Variants in E2F4 observed in about 807,000 individuals in gnomAD.
The protein encoded by E2F4 is transcription factor E2F4.
Under a neutral mutation model 44.5 loss-of-function variants are expected in E2F4, and 16 were observed. That is an observed-to-expected ratio of 0.36 (90% CI 0.24 to 0.55). E2F4 has a LOEUF of 0.55. Among genes scored for constraint, E2F4 ranks in the 20% least tolerant of loss-of-function variants. The pLI, the probability that E2F4 is intolerant of heterozygous loss-of-function variation, is 0.87. For missense variants in E2F4, 473 were observed against 522.1 expected, an observed-to-expected ratio of 0.91 and a Z score of 0.92; for synonymous variants, 242 against 207.2, an observed-to-expected ratio of 1.17 and a Z score of -1.44.
At chr16:67,192,518 G>A in intron 1 of E2F4, 156 bp downstream of exon 1, 1 of 1,172,042 alleles carries the variant, frequency 8.5e-7, no homozygotes, top group Non-Finnish European at 1.1e-6. Context: ...TCATTCATTC[G>A]GCCGAGGCCA....
chr16:67,192,790 G>A lies in E2F4; in HGVS notation c.165G>A (p.Lys55=). The change falls in exon 2 of 10, where the codon AAG becomes AAA. Residue 55 remains lysine (K), a synonymous_variant. Transcript: ENST00000379378. ...CTGACACCCTAGCTGTACGCCAGAA[G>A]CGGCGGATTTACGACATTACCAATG... The part of the protein sequence containing the change: ...LAADTLAVRQ[K]RRIYDITNVL... 6.2e-7 allele frequency: 1 copy of A among 1,612,586 alleles called. No individual in the cohort carries two copies.
At position 67,194,394 on chromosome 16, in the gene E2F4, C is replaced by A. The variant is rs2032933944; in HGVS notation, c.452-4C>A. The A allele has an allele frequency of 1.2e-6, 2 of 1,613,942 alleles. No individual in the cohort carries two copies. Among genetic ancestry groups the A allele is most frequent in the Admixed American group, 1.7e-5 (1 of 59,998 alleles). On this transcript the variant is annotated splice_polypyrimidine_tract_variant and splice_region_variant and intron_variant, in intron 4 of 9. Transcript: ENST00000379378. ...GCTCTGACCCATTCTCCATGTCATTCTAGGAGATACCCTCTTGGCCATCCG... is the reference window on the plus strand; with the variant it reads ...GCTCTGACCCATTCTCCATGTCATTATAGGAGATACCCTCTTGGCCATCCG...
chr16:67,193,042 T>G lies in E2F4; in HGVS notation c.279T>G (p.Ile93Met). The G allele has an allele frequency of 6.4e-7, 1 of 1,572,082 alleles. No homozygotes were observed. The highest frequency in any genetic ancestry group is 8.6e-7 in the Non-Finnish European group (1 of 1,157,878). ...GVGPGCNTRE[I>M]ADKLIELKAE... ...GGCCTGGCTGCAATACCCGGGAGAT[T>G]GCTGACAAACTGATTGAGCTCAAGG... Residue 93 changes from isoleucine (I) to methionine (M), a missense_variant, in exon 3 of 10, where the codon ATT becomes ATG. By Grantham distance (10) the Ile-to-Met change is conservative. This residue lies in a region of E2F4 where 119 missense variants were observed against 175.6 expected (regional missense o/e 0.68). Transcript: ENST00000379378.
intron 1 of E2F4, 124 bp from the exon 2 acceptor site, chr16:67,192,636 CT>C: frequency 9.9e-7 from 1 of 1,010,842 alleles, no homozygotes; most frequent in Non-Finnish European, 1.5e-6. Flanking sequence ...CGGTCCTGAG[CT>C]GCAGTAGCGC....
At chr16:67,194,103 T>C in intron 4 of E2F4, 1 of 405,054 alleles carries the variant, frequency 2.5e-6, no homozygotes, top group Non-Finnish European at 4.5e-6. Flanking sequence ...GAAAGGGATG[T>C]TGGCCTTGGC....
intron 1 of E2F4, 61 bp from the exon 2 acceptor site, chr16:67,192,700 C>T (rs1167410184): frequency 2.0e-6 from 3 of 1,482,528 alleles, no homozygotes; most frequent in East Asian, 2.4e-5. Context: ...CAGACCACGT[C>T]TCAGGGTGGC....
chr16:67,192,791 C>T lies in E2F4; in HGVS notation c.166C>T (p.Arg56Trp). The T allele has an allele frequency of 6.2e-7, 1 of 1,612,486 alleles. No individual in the cohort carries two copies. The change falls in exon 2 of 10, where the codon CGG (arginine) becomes TGG (tryptophan). Residue 56 changes from arginine (R) to tryptophan (W), a missense_variant. Coordinates refer to ENST00000379378, the MANE Select transcript of E2F4 (RefSeq NM_001950.4). Reference sequence around the variant, plus strand: ...TGACACCCTAGCTGTACGCCAGAAGCGGCGGATTTACGACATTACCAATGT... The same window carrying T: ...TGACACCCTAGCTGTACGCCAGAAGTGGCGGATTTACGACATTACCAATGT... ...AADTLAVRQK[R>W]RIYDITNVLE...
In E2F4 at chr16:67,198,043, G is replaced by C; in HGVS notation, c.1162G>C (p.Gly388Arg). The C allele has an allele frequency of 6.2e-7, 1 of 1,614,076 alleles. No homozygotes were observed. The highest frequency in any genetic ancestry group is 1.7e-5 in the Admixed American group (1 of 60,022). The change falls in exon 10 of 10, where the codon GGA (glycine) becomes CGA (arginine). Residue 388 changes from glycine to arginine, a missense_variant. Gly to Arg is a moderately radical substitution (Grantham distance 125, BLOSUM62 -2). This residue lies in a region of E2F4 where 314 missense variants were observed against 315.6 expected (regional missense o/e 0.99). Coordinates refer to ENST00000379378, the MANE Select transcript of E2F4 (RefSeq NM_001950.4). ...APLLRLSPPP[G>R]DHDYIYNLDE... is the part of the protein sequence containing the mutation. ...TCTGCTTCGTCTTTCTCCACCCCCG[G>C]GAGACCACGATTATATCTACAACCT...
At chr16:67,194,088 C>A (rs191645835) in intron 4 of E2F4, 3 of 375,622 alleles carry the variant, frequency 8.0e-6, no homozygotes, top group Non-Finnish European at 1.5e-5. Flanking sequence ...CCTGACTGGT[C>A]ATGGGAAAGG....
Position 67,198,042 on chromosome 16 carries a change from G to T in E2F4, c.1161G>T (p.Pro387=). The change falls in exon 10 of 10, where the codon CCG becomes CCT. Residue 387 remains proline, a synonymous_variant. Transcript: ENST00000379378. ...CTCTGCTTCGTCTTTCTCCACCCCC[G>T]GGAGACCACGATTATATCTACAACC... ...FAPLLRLSPP[P]GDHDYIYNLD... is the part of the protein sequence containing the mutation. 1 of 1,614,066 alleles carries T rather than the reference G, an allele frequency of 6.2e-7. No homozygotes were observed. Among genetic ancestry groups the T allele is most frequent in the Non-Finnish European group, 8.5e-7 (1 of 1,179,996 alleles).
chr16:67,197,515 G>A, intron 7 of E2F4, 84 bp from the exon 8 acceptor site: 5 of 1,385,832 alleles, frequency 3.6e-6, no homozygotes, highest in South Asian at 3.5e-5. Flanking sequence ...CAGGGTGGGT[G>A]GTATAGGATC....
At position 67,192,217 on chromosome 16, in the gene E2F4, G is replaced by T. The variant is rs2032896910; in HGVS notation, c.-11G>T. ...CCTGGCCTGGCTGAGGGGAGGCGGC[G>T]GGCGGGCGCGATGGCGGAGGCCGGG... On this transcript the variant is annotated 5_prime_UTR_variant, in exon 1 of 10. Transcript: ENST00000379378. The T allele has an allele frequency of 5.6e-6, 7 of 1,248,876 alleles. No individual in the cohort carries two copies. Among genetic ancestry groups the T allele is most frequent in the Non-Finnish European group, 6.0e-6 (6 of 996,394 alleles). 77.4% of individuals were successfully genotyped at this position (1,248,876 alleles called of 1,614,324 possible).
chr16:67,192,658 C>T (rs1190413846), intron 1 of E2F4, 103 bp from the exon 2 acceptor site: 8 of 1,172,232 alleles, frequency 6.8e-6, no homozygotes, highest in Non-Finnish European at 9.8e-6. Flanking sequence ...CTGGGAGGCA[C>T]TACAGGGTTG....
rs761350193 is a variant in E2F4 at position 67,198,175 on chromosome 16, G to A, written c.*52G>A. 3 of 1,551,550 alleles carry A rather than the reference G, an allele frequency of 1.9e-6. No homozygotes were observed. Among genetic ancestry groups the A allele is most frequent in the South Asian group, 1.1e-5 (1 of 89,790 alleles). ...GGGACCCAGACTGTCTGACCTGGGGGTTGCCTGGGGACCTCTCCCACCCGA... is the reference window on the plus strand; with the variant it reads ...GGGACCCAGACTGTCTGACCTGGGGATTGCCTGGGGACCTCTCCCACCCGA... On this transcript the variant is annotated 3_prime_UTR_variant, in exon 10 of 10. Coordinates refer to ENST00000379378, the MANE Select transcript of E2F4 (RefSeq NM_001950.4).
Position 67,198,114 on chromosome 16 carries a change from C to T in E2F4, c.1233C>T (p.Leu411=), listed in dbSNP as rs541969393. 13 of 1,613,438 alleles carry T rather than the reference C, an allele frequency of 8.1e-6. No individual in the cohort carries two copies. In the East Asian group the frequency reaches 8.9e-5, roughly 11 times the overall value. The change falls in exon 10 of 10, where the codon CTC becomes CTT. Residue 411 remains leucine, a synonymous_variant. Coordinates refer to ENST00000379378, the MANE Select transcript of E2F4 (RefSeq NM_001950.4). ...GVCDLFDVPV[L]NL ...GTGACCTCTTTGATGTGCCTGTTCT[C>T]AACCTCTGACTGACAGGGACATGCC... is the stretch of plus-strand genomic sequence containing the variant.
In E2F4 at chr16:67,198,351, T is replaced by C; in HGVS notation, c.*228T>C. On this transcript the variant is annotated 3_prime_UTR_variant, in exon 10 of 10. Coordinates refer to ENST00000379378, the MANE Select transcript of E2F4 (RefSeq NM_001950.4). ...AGCCCCCATCACCGTGGAGCCAAAG[T>C]GTTTGCTTCTCCCTTTCTGCGGCCT... The C allele has an allele frequency of 1.8e-6, 1 of 546,314 alleles. No homozygotes were observed. Among genetic ancestry groups the C allele is most frequent in the Non-Finnish European group, 3.3e-6 (1 of 303,594 alleles). 33.8% of individuals were successfully genotyped at this position (546,314 alleles called of 1,614,324 possible).
rs377657577 is a variant in E2F4, at chr16:67,194,483, G to C, written c.513+24G>C. ...AGGTGGGTGCTTAGCCCAGGCAGGC[G>C]GGGTCAGCTGAGGGCGGGTGCTGGC... On this transcript the variant is annotated intron_variant, in intron 5 of 9. Transcript: ENST00000379378. 13 of 1,612,916 alleles carry C rather than the reference G, an allele frequency of 8.1e-6. No homozygotes were observed. The African/African-American group carries it at 1.6e-4, about 20-fold the overall frequency.
In E2F4 at chr16:67,193,113, A is replaced by G; in HGVS notation, c.350A>G (p.His117Arg). Residue 117 changes from histidine (H) to arginine (R), a missense_variant, in exon 3 of 10, where the codon CAC (histidine) becomes CGC (arginine). Transcript: ENST00000379378. Reference sequence around the variant, plus strand: ...CAGCGGGAGCAAGAACTAGACCAGCACAAGGTGTGGGTGCAGCAGAGCATC... The same window carrying G: ...CAGCGGGAGCAAGAACTAGACCAGCGCAAGGTGTGGGTGCAGCAGAGCATC... ...LQQREQELDQ[H>R]KVWVQQSIRN... 1 of 1,574,522 alleles carries G rather than the reference A, an allele frequency of 6.4e-7. No homozygotes were observed. Among genetic ancestry groups the G allele is most frequent in the Non-Finnish European group, 8.6e-7 (1 of 1,159,716 alleles).
At chr16:67,196,153 T>TAGA in intron 7 of E2F4, 147 bp downstream of exon 7, 4 of 1,228,006 alleles carry the variant, frequency 3.3e-6, no homozygotes, top group Non-Finnish European at 4.6e-6. Context: ...GGGTCAGTGC[T>TAGA]GGTGCCCCCT....
Sources: gnomAD v4.1 joint callset for allele counts on GRCh38, gnomAD v4.1.1 for gene constraint, gnomAD v4.1.1 regional missense constraint, MANE v1.5 for transcripts, NCBI Gene and HGNC (gene_info 2026-07-23, HGNC 2026-07-21) for gene names.